The following HAUS1 variants were observed in gnomAD, a reference collection of about 807,000 sequenced individuals.
HAUS1 encodes HAUS augmin-like complex subunit 1.
A neutral mutation model predicts 38.6 loss-of-function variants in HAUS1; 25 were observed. The ratio of observed to expected loss-of-function variants is 0.65; its 90% CI spans 0.47 to 0.91. The LOEUF (loss-of-function observed/expected upper bound fraction) is 0.91, where lower values mean the gene tolerates loss of function less well. Among genes scored for constraint, HAUS1 ranks in the 40% least tolerant of loss-of-function variants. HAUS1 has a pLI of 0.00. For synonymous variants in HAUS1, 109 were observed against 112.9 expected (o/e 0.97, Z 0.22); for missense variants, 325 against 328.4 (o/e 0.99, Z 0.08).
At chr18:46,127,978 T>C (rs896519070) in intron 8 of HAUS1, 97 bp from the exon 9 acceptor site, 6 of 644,452 alleles carry the variant, frequency 9.3e-6, no homozygotes, top group Non-Finnish European at 1.5e-5. Context: ...TTTGTTCTAA[T>C]GTTTCCTTTT....
chr18:46,119,900 T>A (rs868756232), intron 3 of HAUS1, 26 bp from the exon 4 acceptor site: 2 of 1,545,010 alleles, frequency 1.3e-6, no homozygotes, highest in South Asian at 1.3e-5. Context: ...ATTAAGCCCA[T>A]GTATATGACC....
At chr18:46,122,304 T>TCA (rs370835393) in intron 4 of HAUS1, among the ~76,000 whole-genome samples, 163 bp from the exon 5 acceptor site, 22,910 of 148,188 alleles carry the variant, frequency 0.15, 2,482 homozygotes, top group East Asian at 0.38. Context: ...ACCTCATCTC[T>TCA]TAAAAAAAAA....
chr18:46,112,986 A>T (rs1434875938), intron 2 of HAUS1, among the ~76,000 whole-genome samples: 2 of 84,402 alleles, frequency 2.4e-5, no homozygotes, highest in African/African-American at 4.9e-5. Flanking sequence ...TTATATATAT[A>T]ATATATATTC....
chr18:46,125,007 C>A (rs1282157336), intron 7 of HAUS1, 114 bp downstream of exon 7: 1 of 595,354 alleles, frequency 1.7e-6, no homozygotes, highest in Admixed American at 3.0e-5. Flanking sequence ...CGCCTGTAAT[C>A]CCAGCACTTT....
chr18:46,104,563 G>C (rs952161993), intron 1 of HAUS1, 122 bp downstream of exon 1: 1 of 785,282 alleles, frequency 1.3e-6, no homozygotes. Context: ...CCACACATCC[G>C]TCTTTTAGTG....
At chr18:46,122,276 C>G (rs181286556) in intron 4 of HAUS1, among the ~76,000 whole-genome samples, 191 bp from the exon 5 acceptor site, 2 of 150,406 alleles carry the variant, frequency 1.3e-5, no homozygotes, top group African/African-American at 4.9e-5. Context: ...TGCATTCAAG[C>G]CTGGGTGACA....
intron 2 of HAUS1, among the ~76,000 whole-genome samples, 172 bp from the exon 3 acceptor site, chr18:46,118,009 T>C (rs1188395574): frequency 6.6e-6 from 1 of 152,206 alleles, no homozygotes; most frequent in Non-Finnish European, 1.5e-5. Flanking sequence ...TTTGGAGTGA[T>C]GAAAATGTTT....
chr18:46,105,009 G>T (rs923285021), intron 1 of HAUS1, among the ~76,000 whole-genome samples, 185 bp from the exon 2 acceptor site: 6 of 151,886 alleles, frequency 4.0e-5, no homozygotes, highest in African/African-American at 1.5e-4. Flanking sequence ...GTTTCTTTGT[G>T]TACTTGCTCA....
intron 2 of HAUS1, among the ~76,000 whole-genome samples, chr18:46,117,955 AAT>A (rs1911839013): frequency 6.6e-6 from 1 of 151,976 alleles, no homozygotes; most frequent in Admixed American, 6.6e-5. Context: ...CAAAAAGAAA[AAT>A]AAAGAAAAAT....
At chr18:46,127,205 C>G (rs1912134693) in intron 8 of HAUS1, among the ~76,000 whole-genome samples, 1 of 151,894 alleles carries the variant, frequency 6.6e-6, no homozygotes, top group African/African-American at 2.4e-5. Flanking sequence ...CTCCTGACCT[C>G]AAGTAATCCA....
chr18:46,118,458 G>T, intron 3 of HAUS1, 142 bp downstream of exon 3: 1 of 691,088 alleles, frequency 1.4e-6, no homozygotes, highest in South Asian at 1.9e-5. Flanking sequence ...CTTTGCCAGT[G>T]AGTATAATTA....
At chr18:46,115,979 G>A (rs563712387) in intron 2 of HAUS1, among the ~76,000 whole-genome samples, 1 of 152,000 alleles carries the variant, frequency 6.6e-6, no homozygotes, top group South Asian at 2.1e-4. Context: ...GGTGGCACAT[G>A]CCTGTAATCC....
chr18:46,108,854 A>G (rs1009467898), intron 2 of HAUS1, among the ~76,000 whole-genome samples: 16 of 152,046 alleles, frequency 1.1e-4, no homozygotes, highest in East Asian at 9.7e-4. Flanking sequence ...GGCGGATCAC[A>G]AGGTCAGGCG....
At chr18:46,119,360 A>G (rs1012949208) in intron 3 of HAUS1, among the ~76,000 whole-genome samples, 3 of 152,282 alleles carry the variant, frequency 2.0e-5, no homozygotes, top group African/African-American at 7.2e-5. Context: ...TACCAGTTGT[A>G]TGTTAGTTGT....
intron 2 of HAUS1, among the ~76,000 whole-genome samples, chr18:46,116,763 A>T (rs1342583734): frequency 6.6e-6 from 1 of 152,100 alleles, no homozygotes; most frequent in Non-Finnish European, 1.5e-5. Flanking sequence ...CTGTAATCTC[A>T]ACACTTTGGG....
At chr18:46,111,347 C>T (rs1021445970) in intron 2 of HAUS1, among the ~76,000 whole-genome samples, 1 of 151,136 alleles carries the variant, frequency 6.6e-6, no homozygotes, top group African/African-American at 2.4e-5. Context: ...ATTTTTGAGA[C>T]AGAGTCTCAC....
At chr18:46,125,546 CAAA>C (rs34079682) in intron 7 of HAUS1, among the ~76,000 whole-genome samples, 195 bp from the exon 8 acceptor site, 4 of 122,924 alleles carry the variant, frequency 3.3e-5, no homozygotes, top group Non-Finnish European at 3.5e-5. Flanking sequence ...GACTCTGTCT[CAAA>C]AAAAAAAAAA....
intron 2 of HAUS1, among the ~76,000 whole-genome samples, chr18:46,109,331 T>A (rs993013777): frequency 6.6e-6 from 1 of 152,142 alleles, no homozygotes; most frequent in African/African-American, 2.4e-5. Flanking sequence ...TCACCTTCCA[T>A]CAGTCCCCTC....
At chr18:46,112,842 G>A (rs1414009208) in intron 2 of HAUS1, among the ~76,000 whole-genome samples, 1 of 91,832 alleles carries the variant, frequency 1.1e-5, no homozygotes, top group Admixed American at 1.7e-4. Flanking sequence ...TATATAATGT[G>A]TATATATATT....
Sources: gnomAD v4.1 joint callset for allele counts (sites outside exome capture counted in the v4.1 genomes callset) on GRCh38, gnomAD v4.1.1 for gene constraint, MANE v1.5 for transcripts, NCBI Gene and HGNC (gene_info 2026-07-23, HGNC 2026-07-21) for gene names.